Variants in RNF150 observed in about 807,000 individuals in gnomAD.
RNF150 encodes ring finger protein 150.
Under a neutral mutation model 39.3 loss-of-function variants are expected in RNF150, and 24 were observed. That is an observed-to-expected ratio of 0.61 (90% CI 0.44 to 0.86). The LOEUF (loss-of-function observed/expected upper bound fraction) is 0.86, where lower values mean the gene tolerates loss of function less well. Ranked by LOEUF, RNF150 falls within the 40% of genes least tolerant of loss-of-function variation. The probability of loss-of-function intolerance (pLI) is 0.00; values close to 1 mark genes in which losing one functional copy is unlikely to be tolerated. For synonymous variants in RNF150, 255 were observed against 227.3 expected (o/e 1.12, Z -1.10); for missense variants, 502 against 587.8 (o/e 0.85, Z 1.51).
chr4:141,187,426 G>A (rs1728032032), intron 1 of RNF150, among the ~76,000 whole-genome samples: 2 of 152,258 alleles, frequency 1.3e-5, no homozygotes, highest in South Asian at 2.1e-4. Flanking sequence ...CAGTCTCATT[G>A]ATTTGTCTAA....
intron 1 of RNF150, among the ~76,000 whole-genome samples, chr4:141,161,219 C>T (rs1302119869): frequency 1.3e-5 from 2 of 152,140 alleles, no homozygotes; most frequent in African/African-American, 2.4e-5. Context: ...ATCACTTTTG[C>T]TATGCTTTAG....
intron 4 of RNF150, chr4:140,944,936 A>T (rs1050444707): frequency 9.2e-5 from 14 of 152,184 alleles, no homozygotes; most frequent in Admixed American, 5.2e-4. Flanking sequence ...ATTAGTGCAA[A>T]CTGTCTGGCA....
At chr4:141,041,618 A>C (rs1397675657) in intron 1 of RNF150, among the ~76,000 whole-genome samples, 1 of 152,078 alleles carries the variant, frequency 6.6e-6, no homozygotes, top group Non-Finnish European at 1.5e-5. Flanking sequence ...TATTTCTTCT[A>C]TGGGCTGTTT....
chr4:141,105,457 T>G (rs929390106), intron 1 of RNF150, among the ~76,000 whole-genome samples: 23 of 152,170 alleles, frequency 1.5e-4, no homozygotes, highest in Middle Eastern at 3.2e-3. Flanking sequence ...TTCCATAATT[T>G]AACTTGTTTT....
intron 1 of RNF150, among the ~76,000 whole-genome samples, chr4:141,157,198 G>A (rs1478749427): frequency 6.6e-6 from 1 of 152,058 alleles, no homozygotes; most frequent in African/African-American, 2.4e-5. Context: ...GGATTCAGGT[G>A]TCACGTGCAC....
chr4:141,154,579 C>T (rs933764125), intron 1 of RNF150, among the ~76,000 whole-genome samples: 2 of 152,172 alleles, frequency 1.3e-5, no homozygotes, highest in African/African-American at 2.4e-5. Flanking sequence ...TGGCTGAACA[C>T]CTTGCAATTC....
chr4:140,877,759 A>G (rs1193942464), intron 6 of RNF150, among the ~76,000 whole-genome samples: 1 of 152,256 alleles, frequency 6.6e-6, no homozygotes, highest in Non-Finnish European at 1.5e-5. Context: ...TGTTAAGGAA[A>G]CAAAGGTGTG....
rs1392887410 is a variant in RNF150, at chr4:141,057,254, T to TC, written c.484+75070_484+75071insG. ...AATGTTAATTCTTATTTTTTAAAATTATATTTATGTAATAGGTTATATCTA... is the reference window on the plus strand; with the variant it reads ...AATGTTAATTCTTATTTTTTAAAATTCATATTTATGTAATAGGTTATATCTA... On this transcript the variant is annotated intron_variant, in intron 1 of 6. Transcript: ENST00000515673. Among the ~76,000 whole-genome samples the TC allele has an allele frequency of 2.6e-5, 4 of 151,994 alleles. No individual in the cohort carries two copies. The East Asian group carries it at 7.7e-4, about 29-fold the overall frequency.
At chr4:140,897,916 G>C (rs1402787915) in intron 6 of RNF150, among the ~76,000 whole-genome samples, 1 of 152,184 alleles carries the variant, frequency 6.6e-6, no homozygotes, top group Non-Finnish European at 1.5e-5. Context: ...GCAGGTGGCA[G>C]GGTTGGGCCT....
intron 1 of RNF150, among the ~76,000 whole-genome samples, chr4:141,199,791 C>A (rs1032585015): frequency 8.5e-5 from 13 of 152,136 alleles, no homozygotes; most frequent in African/African-American, 3.1e-4. Flanking sequence ...GGACTATATA[C>A]AACAGAAATT....
At chr4:140,945,554 CAT>C (rs200359869) in intron 4 of RNF150, among the ~76,000 whole-genome samples, 109 of 147,406 alleles carry the variant, frequency 7.4e-4, no homozygotes, top group African/African-American at 7.9e-4. Flanking sequence ...ATATACACTA[CAT>C]ATATATATAC....
intron 1 of RNF150, among the ~76,000 whole-genome samples, chr4:141,017,258 A>C (rs1735314345): frequency 6.6e-6 from 1 of 152,182 alleles, no homozygotes; most frequent in South Asian, 2.1e-4. Flanking sequence ...ACTTCTGTGA[A>C]AGGTACCACT....
At chr4:141,128,048 CACAA>C (rs1260983706) in intron 1 of RNF150, among the ~76,000 whole-genome samples, 1 of 152,090 alleles carries the variant, frequency 6.6e-6, no homozygotes, top group Admixed American at 6.6e-5. Flanking sequence ...TTAGCTGAGC[CACAA>C]ACAAATTGGC....
chr4:141,095,701 T>C (rs1226975847), intron 1 of RNF150, among the ~76,000 whole-genome samples: 3 of 152,178 alleles, frequency 2.0e-5, no homozygotes, highest in African/African-American at 7.2e-5. Context: ...AACATATGTA[T>C]TTATATATTT....
At chr4:140,881,584 G>T (rs753296639) in intron 6 of RNF150, among the ~76,000 whole-genome samples, 3 of 152,166 alleles carry the variant, frequency 2.0e-5, no homozygotes, top group African/African-American at 4.8e-5. Context: ...GGTTATACAA[G>T]AGAGTGTTGG....
intron 6 of RNF150, among the ~76,000 whole-genome samples, chr4:140,877,618 G>A (rs1729207900): frequency 6.6e-6 from 1 of 152,166 alleles, no homozygotes; most frequent in Non-Finnish European, 1.5e-5. Context: ...TGAGCAGTGT[G>A]GAGAAAAGAA....
chr4:141,094,944 CAT>C (rs1738716993), intron 1 of RNF150, among the ~76,000 whole-genome samples: 1 of 152,192 alleles, frequency 6.6e-6, no homozygotes, highest in Non-Finnish European at 1.5e-5. Context: ...GCTGCTTCTG[CAT>C]ATGATTTGGA....
In RNF150 at chr4:140,901,651, G is replaced by A. The variant is rs1010693756; in HGVS notation, c.1198+9493C>T. On this transcript the variant is annotated intron_variant, in intron 6 of 6. Coordinates refer to ENST00000515673, the MANE Select transcript of RNF150 (RefSeq NM_020724.2). The stretch of plus-strand genomic sequence containing the variant: ...AACTGTATGCCATAAACTGTGCTGG[G>A]TTTTAGAACATAAAGGTAAAAAGTC... Among the ~76,000 whole-genome samples the A allele has an allele frequency of 2.6e-5, 4 of 152,098 alleles. No individual in the cohort carries two copies. The South Asian group carries it at 6.2e-4, about 24-fold the overall frequency.
chr4:141,044,142 G>A (rs1206426416), intron 1 of RNF150, among the ~76,000 whole-genome samples: 1 of 152,196 alleles, frequency 6.6e-6, no homozygotes. Context: ...AACATTGAAA[G>A]TGATATATCA....
Sources: allele counts gnomAD v4.1 joint callset (sites outside exome capture counted in the v4.1 genomes callset), GRCh38; gene constraint gnomAD v4.1.1; transcripts MANE v1.5; gene names NCBI Gene and HGNC (gene_info 2026-07-23, HGNC 2026-07-21).